The following LMNB2 variants were observed in gnomAD, a reference collection of about 807,000 sequenced individuals.
The protein encoded by LMNB2 is lamin-B2.
A neutral mutation model predicts 69.3 loss-of-function variants in LMNB2; 17 were observed. That is an observed-to-expected ratio of 0.25 (90% CI 0.17 to 0.37). LMNB2 has a LOEUF of 0.37. LMNB2 is among the 10% of genes least tolerant of loss of function. The pLI, the probability that LMNB2 is intolerant of heterozygous loss-of-function variation, is 1.00. For missense variants in LMNB2, 789 were observed against 883.6 expected (o/e 0.89, Z 1.36); for synonymous variants, 397 against 389.3 (o/e 1.02, Z -0.23).
intron 4 of LMNB2, among the ~76,000 whole-genome samples, chr19:2,437,595 G>A (rs1224365725): frequency 1.3e-5 from 2 of 152,212 alleles, no homozygotes; most frequent in Non-Finnish European, 2.9e-5. Flanking sequence ...GAGGTCAGGA[G>A]TTCGAGACCA....
chr19:2,440,760 CATCTATCTATCCATT>C (rs1376995611), intron 2 of LMNB2, among the ~76,000 whole-genome samples: 3 of 151,836 alleles, frequency 2.0e-5, no homozygotes, highest in East Asian at 3.9e-4. Context: ...ATCCATCCAT[CATCTATCTATCCATT>C]ATCTATCCAT....
rs111663913 is a variant in LMNB2 at position 2,439,737 on chromosome 19, CT to C, written c.402-1207del. Among the ~76,000 whole-genome samples, 800 of 142,920 alleles carry C rather than the reference CT, an allele frequency of 5.6e-3. 4 individuals carry two copies. Among genetic ancestry groups the C allele is most frequent in the African/African-American group, 0.012 (461 of 39,276 alleles). 93.8% of individuals were successfully genotyped at this position (142,920 alleles called of 152,430 possible). On this transcript the variant is annotated intron_variant, in intron 2 of 11. Transcript: ENST00000325327. ...ATGCACTCCCGACTCTCCCTAGAGCCTTTTTTTTTTTTTGAGTTGGAGTTTC... is the reference window on the plus strand; with the variant it reads ...ATGCACTCCCGACTCTCCCTAGAGCCTTTTTTTTTTTTGAGTTGGAGTTTC...
intron 9 of LMNB2, 67 bp downstream of exon 9, chr19:2,432,336 CAAGTCCTGTGCCT>C: frequency 1.8e-5 from 18 of 988,390 alleles, no homozygotes; most frequent in Admixed American, 5.3e-5. Flanking sequence ...CCACCCCCGC[CAAGTCCTGTGCCT>C]CCAGTCCCCT....
intron 1 of LMNB2, among the ~76,000 whole-genome samples, chr19:2,454,772 C>G (rs1433155304): frequency 6.6e-6 from 1 of 152,078 alleles, no homozygotes; most frequent in East Asian, 1.9e-4. Flanking sequence ...TCCTGCCTGC[C>G]CCCCGTTCTG....
chr19:2,439,551 G>A (rs1447243277), intron 2 of LMNB2, among the ~76,000 whole-genome samples: 2 of 152,138 alleles, frequency 1.3e-5, no homozygotes, highest in African/African-American at 2.4e-5. Context: ...ATCACCCAGT[G>A]TCCCCTGGGG....
intron 1 of LMNB2, among the ~76,000 whole-genome samples, chr19:2,455,158 G>T (rs1473041619): frequency 6.6e-6 from 1 of 151,950 alleles, no homozygotes; most frequent in Non-Finnish European, 1.5e-5. Flanking sequence ...GAGAGATGAG[G>T]GGCCTAATTC....
chr19:2,435,890 C>T (rs1347406937), intron 4 of LMNB2, among the ~76,000 whole-genome samples: 1 of 152,132 alleles, frequency 6.6e-6, no homozygotes, highest in Non-Finnish European at 1.5e-5. Context: ...GTGGCTCATG[C>T]CTGTAATCCC....
intron 1 of LMNB2, among the ~76,000 whole-genome samples, chr19:2,446,716 G>C (rs1971960211): frequency 1.3e-5 from 2 of 152,198 alleles, no homozygotes; most frequent in Non-Finnish European, 2.9e-5. Context: ...GCAGGAACCT[G>C]AGCTGAGACA....
chr19:2,432,288 C>T (rs1401428824), intron 9 of LMNB2, 128 bp downstream of exon 9: 9 of 796,414 alleles, frequency 1.1e-5, no homozygotes, highest in African/African-American at 6.8e-5. Context: ...CTGCGGCAGC[C>T]GCTCTGAGAC....
At chr19:2,441,278 G>A (rs938258220) in intron 2 of LMNB2, among the ~76,000 whole-genome samples, 4 of 152,272 alleles carry the variant, frequency 2.6e-5, no homozygotes, top group Admixed American at 6.5e-5. Context: ...AGGGCAGGGC[G>A]GCCAGCCGCT....
intron 9 of LMNB2, 97 bp downstream of exon 9, chr19:2,432,319 T>TG: frequency 6.3e-5 from 56 of 894,622 alleles, no homozygotes; most frequent in East Asian, 1.5e-4. Flanking sequence ...GCCACCATCA[T>TG]CCCCACCCAC....
rs556941388 is a variant in LMNB2 at position 2,430,773 on chromosome 19, G to A, written c.*138C>T. Reference sequence around the variant, plus strand: ...GAGACCCGCCAGGAGGGAGGGCTGGGGGAGACCCACCCACACGTTCTGGCA... The same window carrying A: ...GAGACCCGCCAGGAGGGAGGGCTGGAGGAGACCCACCCACACGTTCTGGCA... On this transcript the variant is annotated 3_prime_UTR_variant, in exon 12 of 12. Transcript: ENST00000325327. The A allele has an allele frequency of 1.3e-6, 1 of 745,518 alleles. No individual in the cohort carries two copies. Among genetic ancestry groups the A allele is most frequent in the South Asian group, 1.4e-5 (1 of 69,440 alleles). 46.2% of individuals were successfully genotyped at this position (745,518 alleles called of 1,614,324 possible). A position where few individuals can be genotyped will look rare whatever the true frequency, so the allele number is the denominator to read the frequency against.
intron 1 of LMNB2, among the ~76,000 whole-genome samples, chr19:2,452,015 T>C (rs940049551): frequency 3.3e-5 from 5 of 151,960 alleles, no homozygotes; most frequent in African/African-American, 1.2e-4. Context: ...AGTACCTGCC[T>C]CTCCCGCGCC....
chr19:2,456,928 G>C lies in LMNB2; in HGVS notation c.6C>G (p.Ser2Arg). The C allele has an allele frequency of 1.0e-6, 1 of 992,582 alleles. No individual in the cohort carries two copies. The highest frequency in any genetic ancestry group is 1.2e-6 in the Non-Finnish European group (1 of 836,334). 61.5% of individuals were successfully genotyped at this position (992,582 alleles called of 1,614,324 possible). A position where few individuals can be genotyped will look rare whatever the true frequency, so the allele number is the denominator to read the frequency against. The change falls in exon 1 of 12, where the codon AGC (serine) becomes AGG (arginine). Residue 2 changes from serine (S) to arginine (R), a missense_variant. By Grantham distance (110) the Ser-to-Arg change is moderately radical (BLOSUM62 -1). This residue lies in a region of LMNB2 where 35 missense variants were observed against 23.9 expected (regional missense o/e 1.47). Transcript: ENST00000325327. ...CCCGACGGCGGCCCGGGCTCGGCGG[G>C]CTCATTCAATCCGCGCCGCCGGCTG... M[S>R]PPSPGRRREQ... is the part of the protein sequence containing the mutation.
chr19:2,430,663 T>G lies in LMNB2; in HGVS notation c.*248A>C. 8.7e-6 allele frequency: 5 copies of G among 575,636 alleles called. No homozygotes were observed. The highest frequency in any genetic ancestry group is 1.9e-5 in the African/African-American group (1 of 53,682). 35.7% of individuals were successfully genotyped at this position (575,636 alleles called of 1,614,324 possible). A position where few individuals can be genotyped will look rare whatever the true frequency, so the allele number is the denominator to read the frequency against. On this transcript the variant is annotated 3_prime_UTR_variant, in exon 12 of 12. Transcript: ENST00000325327. ...CCGGGTCCTGGCCCTGGGCTTCCAA[T>G]TTGACCAAATGGTGAGATGAGGAGT... is the stretch of plus-strand genomic sequence containing the variant.
At position 2,447,732 on chromosome 19, in the gene LMNB2, C is replaced by A. The variant is rs150406745; in HGVS notation, c.265-3192G>T. ...GTCGGCCTGCATCTGGAGGGCCACA[C>A]CCCCATGTTACAGGCGAGGCTCCTG... On this transcript the variant is annotated intron_variant, in intron 1 of 11. Transcript: ENST00000325327. The surrounding 1 kb of genome is among the most constrained non-coding windows in gnomAD (Gnocchi z 4.4). 1.3e-5 allele frequency among the ~76,000 whole-genome samples: 2 copies of A among 152,280 alleles called. No homozygotes were observed. The highest frequency in any genetic ancestry group is 3.9e-4 in the East Asian group (2 of 5,190).
Position 2,434,069 on chromosome 19 carries a change from G to T in LMNB2, c.1239C>A (p.Thr413=). Residue 413 remains threonine, a synonymous_variant, in exon 8 of 12, where the codon ACC becomes ACA. Coordinates refer to ENST00000325327, the MANE Select transcript of LMNB2 (RefSeq NM_032737.4). The part of the protein sequence containing the change: ...KLSPSPSSRV[T]VSRATSSSSG... ...TGCTGCTCGAGGTGGCTCGTGAGAC[G>T]GTGACGCGCGAGGATGGGCTGGGGG... 1 of 1,596,028 alleles carries T rather than the reference G, an allele frequency of 6.3e-7. No individual in the cohort carries two copies. The highest frequency in any genetic ancestry group is 2.3e-5 in the East Asian group (1 of 44,148).
At chr19:2,433,780 C>G (rs1419375087) in intron 8 of LMNB2, 46 bp downstream of exon 8, 17 of 1,606,752 alleles carry the variant, frequency 1.1e-5, no homozygotes, top group Non-Finnish European at 1.3e-5. Flanking sequence ...TCACCCCCAT[C>G]AGCTGGGTCA....
rs201524951 is a variant in LMNB2 at position 2,456,679 on chromosome 19, G to C, written c.255C>G (p.Thr85=). The C allele has an allele frequency of 7.5e-4, 1,165 of 1,543,186 alleles. 5 individuals carry two copies. The highest frequency in any genetic ancestry group is 6.4e-4 in the Non-Finnish European group (737 of 1,145,316). The change falls in exon 1 of 12, where the codon ACC becomes ACG. Residue 85 remains threonine (T), a synonymous_variant. Coordinates refer to ENST00000325327, the MANE Select transcript of LMNB2 (RefSeq NM_032737.4). ...AAGCCCCGGCGCCCACCTCGCGCGT[G>C]GTCACCTCCTCCTTCTCTGAGATCT... is the stretch of plus-strand genomic sequence containing the variant. ...LLKISEKEEV[T]TREVSGIKAL...
Sources: allele counts gnomAD v4.1 joint callset (sites outside exome capture counted in the v4.1 genomes callset), GRCh38; gene constraint gnomAD v4.1.1; regional missense constraint gnomAD v4.1.1; non-coding constraint Gnocchi (gnomAD v3.1); transcripts MANE v1.5; gene names NCBI Gene and HGNC (gene_info 2026-07-23, HGNC 2026-07-21).